The following INPP4B variants were observed in gnomAD, a reference collection of about 807,000 sequenced individuals.
INPP4B encodes inositol polyphosphate-4-phosphatase type II B.
A neutral mutation model predicts 122.5 loss-of-function variants in INPP4B; 55 were observed. The ratio of observed to expected loss-of-function variants is 0.45; its 90% confidence interval spans 0.36 to 0.56. INPP4B has a LOEUF of 0.56. Among genes scored for constraint, INPP4B ranks in the 20% least tolerant of loss-of-function variants. The pLI is 0.00. For missense variants in INPP4B, 1,000 were observed against 1,097.7 expected (o/e 0.91, Z 1.26); for synonymous variants, 403 against 388.7 (o/e 1.04, Z -0.43).
intron 1 of INPP4B, among the ~76,000 whole-genome samples, chr4:142,743,536 T>C (rs1452615884): frequency 6.6e-6 from 1 of 151,742 alleles, no homozygotes; most frequent in African/African-American, 2.4e-5. Context: ...GTTAGAGAAA[T>C]TAGAGGTCAA....
At chr4:142,288,140 G>A (rs1354482354) in intron 9 of INPP4B, among the ~76,000 whole-genome samples, 1 of 152,110 alleles carries the variant, frequency 6.6e-6, no homozygotes, top group Non-Finnish European at 1.5e-5. Context: ...AATTTGGAGG[G>A]AACACAAAAA....
intron 7 of INPP4B, among the ~76,000 whole-genome samples, chr4:142,370,766 A>T (rs977117706): frequency 6.6e-6 from 1 of 152,120 alleles, no homozygotes; most frequent in Non-Finnish European, 1.5e-5. Flanking sequence ...ATTGCAAAAC[A>T]TCAAAGAAAA....
intron 1 of INPP4B, among the ~76,000 whole-genome samples, chr4:142,792,541 C>A (rs1299308916): frequency 6.6e-6 from 1 of 152,022 alleles, no homozygotes; most frequent in Non-Finnish European, 1.5e-5. Flanking sequence ...GCCCCAAGGT[C>A]TTTTTCTTAG....
chr4:142,687,927 C>T (rs1486055014), intron 2 of INPP4B, among the ~76,000 whole-genome samples: 1 of 152,096 alleles, frequency 6.6e-6, no homozygotes, highest in African/African-American at 2.4e-5. Context: ...CCTTTCTACC[C>T]TGTCCTATGA....
At chr4:142,051,050 T>C (rs1754311492) in intron 25 of INPP4B, among the ~76,000 whole-genome samples, 1 of 152,088 alleles carries the variant, frequency 6.6e-6, no homozygotes, top group Non-Finnish European at 1.5e-5. Flanking sequence ...TGCTACCTGA[T>C]TGAGTATAAT....
At chr4:142,597,029 G>A (rs548384644) in intron 2 of INPP4B, among the ~76,000 whole-genome samples, 80 of 152,262 alleles carry the variant, frequency 5.3e-4, no homozygotes, top group Non-Finnish European at 1.1e-3. Context: ...CAATTATGAT[G>A]GACTAAGTAT....
chr4:142,503,043 G>C (rs1453484351), intron 2 of INPP4B, among the ~76,000 whole-genome samples: 1 of 152,060 alleles, frequency 6.6e-6, no homozygotes, highest in East Asian at 1.9e-4. Context: ...GACAAGCCTG[G>C]CAACAATAGA....
At chr4:142,355,437 T>G (rs1291970382) in intron 7 of INPP4B, among the ~76,000 whole-genome samples, 1 of 152,042 alleles carries the variant, frequency 6.6e-6, no homozygotes, top group African/African-American at 2.4e-5. Flanking sequence ...TTTATTCAGA[T>G]ATTTCAGTAT....
intron 2 of INPP4B, among the ~76,000 whole-genome samples, chr4:142,592,158 T>G (rs1376708288): frequency 6.6e-6 from 1 of 152,152 alleles, no homozygotes; most frequent in Non-Finnish European, 1.5e-5. Flanking sequence ...TTTTCTAAAA[T>G]TAAAAGTTTA....
chr4:142,124,587 C>T lies in INPP4B; in HGVS notation c.1893+1G>A. ...TACTAACAATAACAACAGGCACCTA[C>T]TGCTTGGCTGAAGACGATGTCTCTT... On this transcript the variant is annotated splice_donor_variant, in intron 19 of 25. Coordinates refer to ENST00000262992, the MANE Select transcript of INPP4B (RefSeq NM_001101669.3). LOFTEE classifies it high-confidence loss of function. 1 of 1,613,140 alleles carries T rather than the reference C, an allele frequency of 6.2e-7. No homozygotes were observed. The highest frequency in any genetic ancestry group is 8.5e-7 in the Non-Finnish European group (1 of 1,179,292).
intron 2 of INPP4B, among the ~76,000 whole-genome samples, chr4:142,615,182 C>T (rs868545915): frequency 2.6e-5 from 4 of 152,006 alleles, no homozygotes; most frequent in South Asian, 2.1e-4. Flanking sequence ...GACTATGTAC[C>T]GAGGAACACA....
intron 1 of INPP4B, among the ~76,000 whole-genome samples, chr4:142,760,860 T>C (rs1561039403): frequency 6.6e-6 from 1 of 152,180 alleles, no homozygotes; most frequent in Non-Finnish European, 1.5e-5. Flanking sequence ...TAAATTGTAC[T>C]CATTCTTTAC....
At chr4:142,730,592 A>G (rs1765943291) in intron 1 of INPP4B, among the ~76,000 whole-genome samples, 1 of 152,212 alleles carries the variant, frequency 6.6e-6, no homozygotes, top group Admixed American at 6.5e-5. Context: ...TTCTCCAGAA[A>G]GTGATCTCCA....
chr4:142,488,437 A>T (rs905281338), intron 2 of INPP4B, among the ~76,000 whole-genome samples: 1 of 152,082 alleles, frequency 6.6e-6, no homozygotes, highest in Non-Finnish European at 1.5e-5. Flanking sequence ...ACTTTATTAA[A>T]GTTTATATAA....
At chr4:142,031,083 T>C (rs1431415745) in intron 25 of INPP4B, among the ~76,000 whole-genome samples, 1 of 152,074 alleles carries the variant, frequency 6.6e-6, no homozygotes, top group Non-Finnish European at 1.5e-5. Context: ...AAGTAGGGGG[T>C]TGGTTTATAA....
chr4:142,304,063 A>G (rs1161606767), intron 9 of INPP4B, among the ~76,000 whole-genome samples: 1 of 152,150 alleles, frequency 6.6e-6, no homozygotes, highest in East Asian at 1.9e-4. Flanking sequence ...TGAGTCAGTA[A>G]GATGAAGAAG....
intron 2 of INPP4B, among the ~76,000 whole-genome samples, chr4:142,674,203 GC>G (rs1757397137): frequency 6.6e-6 from 1 of 152,046 alleles, no homozygotes; most frequent in African/African-American, 2.4e-5. Context: ...CTGCCCACCT[GC>G]TTTTCCCATT....
intron 11 of INPP4B, among the ~76,000 whole-genome samples, chr4:142,245,714 C>T (rs1579424346): frequency 6.6e-6 from 1 of 151,312 alleles, no homozygotes; most frequent in Non-Finnish European, 1.5e-5. Flanking sequence ...TCAGATGGTT[C>T]TAGATGTGTG....
At chr4:142,705,590 G>A (rs192976617) in intron 2 of INPP4B, among the ~76,000 whole-genome samples, 1 of 152,010 alleles carries the variant, frequency 6.6e-6, no homozygotes, top group Non-Finnish European at 1.5e-5. Flanking sequence ...CTGGGAAGCT[G>A]CAGTTGGGGT....
Sources: allele counts gnomAD v4.1 joint callset (sites outside exome capture counted in the v4.1 genomes callset), GRCh38; gene constraint gnomAD v4.1.1; transcripts MANE v1.5; gene names NCBI Gene and HGNC (gene_info 2026-07-23, HGNC 2026-07-21).